Variants in DCDC2C observed in about 807,000 individuals in gnomAD.
The protein encoded by DCDC2C is doublecortin domain-containing protein 2C.
DCDC2C carries 44 observed loss-of-function variants against 45.0 expected under a neutral mutation model. The observed-to-expected ratio is 0.98, with a 90% CI of 0.77 to 1.26. DCDC2C has a LOEUF of 1.26. DCDC2C is among the 50% of genes most tolerant of loss of function. The pLI is 0.00. For synonymous variants in DCDC2C, 187 were observed against 178.8 expected, an observed-to-expected ratio of 1.05 and a Z score of -0.37; for missense variants, 447 against 468.9, an observed-to-expected ratio of 0.95 and a Z score of 0.43.
chr2:3,760,018 G>A (rs1013595356), intron 6 of DCDC2C, among the ~76,000 whole-genome samples: 1 of 152,162 alleles, frequency 6.6e-6, no homozygotes, highest in Non-Finnish European at 1.5e-5. Flanking sequence ...CATTCGAGTG[G>A]CTTGACTGGA....
intron 4 of DCDC2C, among the ~76,000 whole-genome samples, chr2:3,747,496 G>T (rs1011020878): frequency 6.6e-6 from 1 of 152,200 alleles, no homozygotes; most frequent in Non-Finnish European, 1.5e-5. Flanking sequence ...GGCCACCACC[G>T]TTAGTGGCAG....
chr2:3,803,251 C>A (rs528002748), intron 10 of DCDC2C, among the ~76,000 whole-genome samples: 2 of 152,216 alleles, frequency 1.3e-5, no homozygotes, highest in East Asian at 3.9e-4. Flanking sequence ...ATCCTTGTAA[C>A]CTCTGGGTTT....
intron 2 of DCDC2C, among the ~76,000 whole-genome samples, chr2:3,709,359 C>A (rs1026140786): frequency 6.6e-6 from 1 of 152,184 alleles, no homozygotes; most frequent in African/African-American, 2.4e-5. Flanking sequence ...TGTGCCAGCA[C>A]TAGTTAAGGG....
At chr2:3,814,711 G>C (rs1311915613) in intron 10 of DCDC2C, among the ~76,000 whole-genome samples, 3 of 152,244 alleles carry the variant, frequency 2.0e-5, no homozygotes, top group Non-Finnish European at 4.4e-5. Context: ...CCCATTAGGG[G>C]ATCTGGCTTT....
rs116554616 is a variant in DCDC2C at position 3,769,318 on chromosome 2, C to T, written c.861C>T (p.Asp287=). The T allele has an allele frequency of 1.7e-5, 26 of 1,549,956 alleles. No individual in the cohort carries two copies. Among genetic ancestry groups the T allele is most frequent in the Middle Eastern group, 1.7e-4 (1 of 5,986 alleles). The change falls in exon 8 of 11, where the codon GAC becomes GAT. Residue 287 remains aspartate, a synonymous_variant. Coordinates refer to ENST00000399143, the MANE Select transcript of DCDC2C (RefSeq NM_001287444.2). ...EPLVQRGAEG[D]VYKAPTPSKE... is the part of the protein sequence containing the mutation. ...TGTGTGATTTTCTCCCAGAAGGTGA[C>T]GTGTATAAAGCACCGACTCCTAGCA...
In DCDC2C at chr2:3,779,552, T is replaced by G. The variant is rs117859567; in HGVS notation, c.1023+668T>G. Among the ~76,000 whole-genome samples the G allele has an allele frequency of 7.9e-5, 12 of 152,378 alleles. No individual in the cohort carries two copies. The East Asian group carries it at 2.3e-3, about 29-fold the overall frequency. On this transcript the variant is annotated intron_variant, in intron 9 of 10. Transcript: ENST00000399143. ...TCATTTTTAGCTAAGAAGTGGACTT[T>G]GAGGACTTTGTTTTCAGAATTCTGT... is the stretch of plus-strand genomic sequence containing the variant.
intron 9 of DCDC2C, among the ~76,000 whole-genome samples, chr2:3,779,631 G>A (rs1446995802): frequency 6.6e-6 from 1 of 152,094 alleles, no homozygotes; most frequent in Non-Finnish European, 1.5e-5. Context: ...AAAGTTTGGC[G>A]GCAGTCAGGG....
chr2:3,765,388 T>C (rs1669984428), intron 6 of DCDC2C, among the ~76,000 whole-genome samples: 1 of 152,148 alleles, frequency 6.6e-6, no homozygotes, highest in Non-Finnish European at 1.5e-5. Flanking sequence ...AGGCTTGAGC[T>C]GGGGTTTGGA....
rs1236015250 is a variant in DCDC2C, at chr2:3,818,441, T to C, written c.1066-28713T>C. ...GAGGGAGGTATTGAGGATAGGAGAG[T>C]ATATGGCTTTGGCACCACGGGGTGG... On this transcript the variant is annotated intron_variant, in intron 10 of 10. Coordinates refer to ENST00000399143, the MANE Select transcript of DCDC2C (RefSeq NM_001287444.2). The surrounding 1 kb of genome is among the most constrained non-coding windows in gnomAD (Gnocchi z 4.7). Among the ~76,000 whole-genome samples, 1 of 152,092 alleles carries C rather than the reference T, an allele frequency of 6.6e-6. No individual in the cohort carries two copies. Among genetic ancestry groups the C allele is most frequent in the East Asian group, 1.9e-4 (1 of 5,188 alleles).
chr2:3,811,510 T>G (rs1465816196), intron 10 of DCDC2C, among the ~76,000 whole-genome samples: 2 of 152,190 alleles, frequency 1.3e-5, no homozygotes, highest in Non-Finnish European at 2.9e-5. Flanking sequence ...AAATATACAG[T>G]CATGTCATCT....
At chr2:3,708,887 G>C (rs971487308) in intron 2 of DCDC2C, among the ~76,000 whole-genome samples, 31 of 152,152 alleles carry the variant, frequency 2.0e-4, no homozygotes, top group African/African-American at 7.5e-4. Flanking sequence ...TTTTGTTTTG[G>C]GGGGGTTTGG....
intron 8 of DCDC2C, among the ~76,000 whole-genome samples, chr2:3,772,116 G>A (rs1012490165): frequency 1.3e-5 from 2 of 152,148 alleles, no homozygotes; most frequent in East Asian, 3.8e-4. Flanking sequence ...ATAACATCCC[G>A]ACTAGTAAAT....
At chr2:3,780,625 A>G (rs1670482959) in intron 9 of DCDC2C, among the ~76,000 whole-genome samples, 2 of 152,198 alleles carry the variant, frequency 1.3e-5, no homozygotes, top group African/African-American at 4.8e-5. Context: ...AACATTAATG[A>G]CGGGAGACAG....
chr2:3,769,151 A>G (rs934966856), intron 7 of DCDC2C, 160 bp from the exon 8 acceptor site: 4 of 618,746 alleles, frequency 6.5e-6, no homozygotes, highest in African/African-American at 1.8e-5. Context: ...GGCGAGAGGG[A>G]AACGGGGTGA....
intron 4 of DCDC2C, among the ~76,000 whole-genome samples, chr2:3,743,833 C>T (rs11681262): frequency 0.019 from 2,862 of 152,184 alleles, 87 homozygotes; most frequent in African/African-American, 0.065. Flanking sequence ...TTTGGGAGGC[C>T]GAGGCCGGTG....
chr2:3,755,556 T>C (rs1278935709), intron 6 of DCDC2C, among the ~76,000 whole-genome samples: 1 of 151,914 alleles, frequency 6.6e-6, no homozygotes. Context: ...GATGTATGTG[T>C]GTGCATATGA....
intron 10 of DCDC2C, among the ~76,000 whole-genome samples, chr2:3,846,164 T>C (rs1241390092): frequency 6.6e-6 from 1 of 151,926 alleles, no homozygotes; most frequent in Admixed American, 6.6e-5. Context: ...CTCCTACTTC[T>C]TCTTCGTCAT....
intron 10 of DCDC2C, among the ~76,000 whole-genome samples, chr2:3,785,843 A>ACTG (rs1670637661): frequency 6.6e-6 from 1 of 152,094 alleles, no homozygotes; most frequent in African/African-American, 2.4e-5. Flanking sequence ...AACCTAACTG[A>ACTG]AGCCAGCGTC....
Position 3,724,021 on chromosome 2 carries a change from T to C in DCDC2C, c.340-2982T>C, listed in dbSNP as rs145794918. Among the ~76,000 whole-genome samples, 271 of 152,256 alleles carry C rather than the reference T, an allele frequency of 1.8e-3. 1 individual carries two copies. Among genetic ancestry groups the C allele is most frequent in the African/African-American group, 6.0e-3 (248 of 41,550 alleles). On this transcript the variant is annotated intron_variant, in intron 2 of 10. Coordinates refer to ENST00000399143, the MANE Select transcript of DCDC2C (RefSeq NM_001287444.2). ...TGTGTGGCACTCTCATTTATTGAAT[T>C]GAATATTTATTACTGTGTTATAGGT...
Sources: gnomAD v4.1 joint callset for allele counts (sites outside exome capture counted in the v4.1 genomes callset) on GRCh38, gnomAD v4.1.1 for gene constraint, Gnocchi (gnomAD v3.1) non-coding constraint, MANE v1.5 for transcripts, NCBI Gene and HGNC (gene_info 2026-07-23, HGNC 2026-07-21) for gene names.